The following GRID1 variants were observed in gnomAD, a reference collection of about 807,000 sequenced individuals.
The protein encoded by GRID1 is glutamate receptor ionotropic, delta-1.
In GRID1, 28 loss-of-function variants were observed where a neutral mutation model predicts 98.0. The ratio of observed to expected loss-of-function variants is 0.29; its 90% CI spans 0.21 to 0.39. The LOEUF is 0.39. Among genes scored for constraint, GRID1 ranks in the 10% least tolerant of loss-of-function variants. GRID1 has a pLI of 1.00. For missense variants in GRID1, 1,111 were observed against 1,340.5 expected (o/e 0.83, Z 2.67); for synonymous variants, 553 against 538.5 (o/e 1.03, Z -0.37).
At chr10:86,311,709 T>A (rs1241605958) in intron 2 of GRID1, among the ~76,000 whole-genome samples, 2 of 152,200 alleles carry the variant, frequency 1.3e-5, no homozygotes, top group Non-Finnish European at 2.9e-5. Context: ...AAAAAACTAC[T>A]GGCAGTTTAG....
At chr10:86,079,741 G>A (rs972343043) in intron 4 of GRID1, among the ~76,000 whole-genome samples, 8 of 152,178 alleles carry the variant, frequency 5.3e-5, no homozygotes, top group East Asian at 3.8e-4. Flanking sequence ...AAGATCAAAC[G>A]AGTTAATGGG....
chr10:85,996,543 C>G (rs7072483), intron 4 of GRID1, among the ~76,000 whole-genome samples: 4,508 of 152,094 alleles, frequency 0.03, 109 homozygotes, highest in African/African-American at 0.067. Context: ...TCAGTCAGAA[C>G]AAGAGAAATA....
chr10:85,764,558 C>A (rs1034915855), intron 8 of GRID1, among the ~76,000 whole-genome samples: 1 of 152,188 alleles, frequency 6.6e-6, no homozygotes, highest in Non-Finnish European at 1.5e-5. Context: ...GGGTCCAGCA[C>A]AATACAGGGC....
At chr10:85,812,565 C>T (rs1842681109) in intron 8 of GRID1, among the ~76,000 whole-genome samples, 4 of 151,956 alleles carry the variant, frequency 2.6e-5, no homozygotes, top group Admixed American at 2.6e-4. Flanking sequence ...ACTGGAATTC[C>T]AATTCCGCTA....
intron 2 of GRID1, among the ~76,000 whole-genome samples, chr10:86,248,586 T>C (rs1170614051): frequency 5.3e-5 from 3 of 56,254 alleles, no homozygotes; most frequent in Admixed American, 3.5e-4. Flanking sequence ...TTTTTTTTTT[T>C]TTTTTTTTTG....
intron 2 of GRID1, among the ~76,000 whole-genome samples, chr10:86,274,713 G>A (rs568168646): frequency 6.6e-6 from 1 of 151,682 alleles, no homozygotes; most frequent in Non-Finnish European, 1.5e-5. Context: ...CTCTCTGTTT[G>A]TCTGTTATTG....
At chr10:86,198,270 C>G (rs1197362456) in intron 3 of GRID1, among the ~76,000 whole-genome samples, 1 of 152,100 alleles carries the variant, frequency 6.6e-6, no homozygotes, top group East Asian at 1.9e-4. Flanking sequence ...CTTGGGGAAG[C>G]CTTGGCAGCT....
chr10:85,943,415 C>G (rs896523741), intron 4 of GRID1, among the ~76,000 whole-genome samples: 9 of 151,940 alleles, frequency 5.9e-5, no homozygotes, highest in African/African-American at 2.2e-4. Flanking sequence ...ATACCAGAAA[C>G]ATAAGCATTA....
intron 2 of GRID1, among the ~76,000 whole-genome samples, chr10:86,335,280 G>A (rs912896324): frequency 2.6e-5 from 4 of 152,212 alleles, no homozygotes; most frequent in Admixed American, 6.5e-5. Flanking sequence ...CACTCTGTGG[G>A]GTATTTTACC....
intron 5 of GRID1, among the ~76,000 whole-genome samples, chr10:85,870,858 C>G (rs1284515671): frequency 6.6e-6 from 1 of 152,078 alleles, no homozygotes; most frequent in African/African-American, 2.4e-5. Context: ...CAGTACACCC[C>G]ACAAAATGCT....
chr10:86,260,656 G>C (rs1847002183), intron 2 of GRID1, among the ~76,000 whole-genome samples: 1 of 152,232 alleles, frequency 6.6e-6, no homozygotes, highest in Non-Finnish European at 1.5e-5. Context: ...AGAAGGCAGA[G>C]GTGGGATGTG....
intron 4 of GRID1, among the ~76,000 whole-genome samples, chr10:85,998,550 A>T (rs2131873139): frequency 6.6e-6 from 1 of 152,308 alleles, no homozygotes; most frequent in East Asian, 1.9e-4. Context: ...ATTTAAAAAA[A>T]ATTAACTTAA....
intron 4 of GRID1, among the ~76,000 whole-genome samples, chr10:85,985,021 T>C (rs999589038): frequency 3.9e-5 from 6 of 152,156 alleles, no homozygotes; most frequent in Non-Finnish European, 7.4e-5. Flanking sequence ...GACCTCTGCA[T>C]TGTAGGATTT....
intron 15 of GRID1, chr10:85,606,416 C>T (rs938392152): frequency 5.3e-5 from 8 of 152,186 alleles, no homozygotes; most frequent in Admixed American, 1.3e-4. Context: ...AGCTCCAACA[C>T]GAGGACAAAC....
intron 4 of GRID1, among the ~76,000 whole-genome samples, chr10:86,044,282 A>C (rs1843387932): frequency 6.6e-6 from 1 of 152,236 alleles, no homozygotes; most frequent in Non-Finnish European, 1.5e-5. Flanking sequence ...CTAGGTAAAG[A>C]CCTGCTTCGT....
At chr10:86,156,391 C>T (rs1233883701) in intron 3 of GRID1, among the ~76,000 whole-genome samples, 2 of 152,160 alleles carry the variant, frequency 1.3e-5, no homozygotes, top group Admixed American at 6.5e-5. Context: ...CAGAGCCCTT[C>T]CCTGATTTTT....
intron 2 of GRID1, among the ~76,000 whole-genome samples, chr10:86,247,274 T>TGGAC (rs1564718020): frequency 7.7e-6 from 1 of 130,584 alleles, no homozygotes; most frequent in Non-Finnish European, 1.6e-5. Context: ...GATGGATGGA[T>TGGAC]AGATGGATAG....
intron 8 of GRID1, among the ~76,000 whole-genome samples, chr10:85,808,741 G>A (rs1842643670): frequency 6.6e-6 from 1 of 152,130 alleles, no homozygotes; most frequent in Non-Finnish European, 1.5e-5. Flanking sequence ...ATGACTTTTA[G>A]TATAGCATTT....
intron 8 of GRID1, among the ~76,000 whole-genome samples, chr10:85,829,691 C>G (rs1842850725): frequency 1.3e-5 from 2 of 152,046 alleles, no homozygotes; most frequent in African/African-American, 4.8e-5. Context: ...GAACACAATT[C>G]CATTCAAAAT....
Sources: allele counts gnomAD v4.1 joint callset (sites outside exome capture counted in the v4.1 genomes callset), GRCh38; gene constraint gnomAD v4.1.1; transcripts MANE v1.5; gene names NCBI Gene and HGNC (gene_info 2026-07-23, HGNC 2026-07-21).